The following LMNTD1 variants were observed in gnomAD, a reference collection of about 807,000 sequenced individuals.
The protein encoded by LMNTD1 is lamin tail domain-containing protein 1.
In LMNTD1, 35 loss-of-function variants were observed where a neutral mutation model predicts 50.9. That is an observed-to-expected ratio of 0.69 (90% CI 0.53 to 0.91). The LOEUF is 0.91. Ranked by LOEUF, LMNTD1 falls within the 40% of genes least tolerant of loss-of-function variation. The pLI, the probability that LMNTD1 is intolerant of heterozygous loss-of-function variation, is 0.00. For missense variants in LMNTD1, 470 were observed against 475.5 expected, an observed-to-expected ratio of 0.99 and a Z score of 0.11; for synonymous variants, 153 against 161.9, an observed-to-expected ratio of 0.94 and a Z score of 0.42.
intron 1 of LMNTD1, among the ~76,000 whole-genome samples, chr12:25,611,378 G>A (rs528552130): frequency 3.9e-5 from 6 of 152,312 alleles, no homozygotes; most frequent in Non-Finnish European, 7.3e-5. Flanking sequence ...ATGGTTTTAG[G>A]AGGGGTTGTT....
intron 9 of LMNTD1, among the ~76,000 whole-genome samples, chr12:25,484,003 C>T (rs1938528285): frequency 6.6e-6 from 1 of 151,818 alleles, no homozygotes; most frequent in South Asian, 2.1e-4. Flanking sequence ...AGCGATTAAC[C>T]TCAAACTTGA....
intron 8 of LMNTD1, among the ~76,000 whole-genome samples, chr12:25,511,327 G>A (rs1940275880): frequency 6.6e-6 from 1 of 152,104 alleles, no homozygotes; most frequent in African/African-American, 2.4e-5. Flanking sequence ...ATTATACTTG[G>A]GAGTTGAGGA....
chr12:25,638,113 GA>G (rs1946875439), intron 1 of LMNTD1, among the ~76,000 whole-genome samples: 1 of 151,682 alleles, frequency 6.6e-6, no homozygotes, highest in South Asian at 2.1e-4. Context: ...TAAAAAAACA[GA>G]AAAAAAGCTT....
intron 1 of LMNTD1, among the ~76,000 whole-genome samples, chr12:25,569,853 T>G (rs1944714823): frequency 6.6e-6 from 1 of 152,232 alleles, no homozygotes; most frequent in Non-Finnish European, 1.5e-5. Flanking sequence ...CCATGCTTTC[T>G]GTGCAGCCTG....
intron 1 of LMNTD1, among the ~76,000 whole-genome samples, chr12:25,630,213 A>G (rs535274143): frequency 2.2e-4 from 33 of 152,278 alleles, no homozygotes; most frequent in Admixed American, 2.0e-3. Context: ...TAATCAAACA[A>G]TTACACAACA....
At chr12:25,625,438 AC>A (rs1368274197) in intron 1 of LMNTD1, among the ~76,000 whole-genome samples, 1 of 152,128 alleles carries the variant, frequency 6.6e-6, no homozygotes, top group Non-Finnish European at 1.5e-5. Context: ...TTCACCATTG[AC>A]ACTCCAGCAA....
chr12:25,616,747 T>C (rs1946361144), intron 1 of LMNTD1, among the ~76,000 whole-genome samples: 1 of 152,220 alleles, frequency 6.6e-6, no homozygotes, highest in South Asian at 2.1e-4. Flanking sequence ...AGGCCACGTA[T>C]GTTATGATTT....
At chr12:25,571,339 T>TTTTATTTA (rs55781545) in intron 1 of LMNTD1, among the ~76,000 whole-genome samples, 26,452 of 148,522 alleles carry the variant, frequency 0.18, 2,934 homozygotes, top group East Asian at 0.58. Context: ...AAAAAAGTAT[T>TTTTATTTA]TTTATTTATT....
In LMNTD1 at chr12:25,623,518, C is replaced by T. The variant is rs183130771; in HGVS notation, c.58+24976G>A. 8.3e-5 allele frequency among the ~76,000 whole-genome samples: 10 copies of T among 120,200 alleles called. No homozygotes were observed. The East Asian group carries it at 2.9e-3, about 35-fold the overall frequency. The allele number at this position is 120,200 out of a possible 152,430, so 78.9% of individuals were successfully genotyped here. A position where few individuals can be genotyped will look rare whatever the true frequency, so the allele number is the denominator to read the frequency against. ...GCAGTGAGCCAAGATTGCGCCATTG[C>T]ACTCCAGCCTGGGTGATAGAGCAAG... is the stretch of plus-strand genomic sequence containing the variant. On this transcript the variant is annotated intron_variant, in intron 1 of 7. Coordinates refer to the LMNTD1 transcript ENST00000445693.
At position 25,645,644 on chromosome 12, in the gene LMNTD1, C is replaced by T. The variant is rs373458318; in HGVS notation, c.58+2850G>A. Among the ~76,000 whole-genome samples, 44 of 152,224 alleles carry T rather than the reference C, an allele frequency of 2.9e-4. 1 individual carries two copies. Among genetic ancestry groups the T allele is most frequent in the Middle Eastern group, 3.4e-3 (1 of 294 alleles). ...TGGGCCACAGAACATTAGATCTGAG[C>T]GATACAGCAACATCACAGCACAAGG... On this transcript the variant is annotated intron_variant, in intron 1 of 7. Transcript: ENST00000445693.
intron 6 of LMNTD1, among the ~76,000 whole-genome samples, chr12:25,521,188 C>T (rs1317421737): frequency 6.6e-6 from 1 of 151,712 alleles, no homozygotes; most frequent in African/African-American, 2.4e-5. Context: ...TTAATTGTTT[C>T]CTTTGCTGTG....
intron 9 of LMNTD1, among the ~76,000 whole-genome samples, chr12:25,493,623 T>C (rs1277919378): frequency 1.3e-5 from 2 of 152,236 alleles, no homozygotes; most frequent in African/African-American, 4.8e-5. Context: ...ATATATTTTA[T>C]TGTCAGTGAT....
chr12:25,544,175 G>C (rs1338404189), intron 4 of LMNTD1, among the ~76,000 whole-genome samples: 1 of 151,862 alleles, frequency 6.6e-6, no homozygotes, highest in Non-Finnish European at 1.5e-5. Flanking sequence ...GGATGTTAAA[G>C]TGCCCTACTA....
intron 1 of LMNTD1, among the ~76,000 whole-genome samples, chr12:25,616,176 G>T (rs542734985): frequency 5.3e-5 from 8 of 152,278 alleles, no homozygotes; most frequent in African/African-American, 1.7e-4. Flanking sequence ...GTAAGAGAAA[G>T]AGGGTAACAT....
chr12:25,568,510 G>A (rs1944652110), intron 1 of LMNTD1, among the ~76,000 whole-genome samples: 1 of 152,222 alleles, frequency 6.6e-6, no homozygotes, highest in African/African-American at 2.4e-5. Flanking sequence ...CTGACAGATA[G>A]CCAGGTACTG....
chr12:25,514,507 G>A (rs1012842390), intron 8 of LMNTD1, among the ~76,000 whole-genome samples: 3 of 151,838 alleles, frequency 2.0e-5, no homozygotes, highest in Non-Finnish European at 4.4e-5. Flanking sequence ...CAGAGGCTGG[G>A]AAGGGTAGTG....
intron 9 of LMNTD1, among the ~76,000 whole-genome samples, chr12:25,484,640 G>T (rs1938557221): frequency 1.4e-5 from 2 of 142,058 alleles, no homozygotes; most frequent in African/African-American, 5.3e-5. Context: ...ATCTCCCAAT[G>T]CTATCCCTCC....
chr12:25,557,211 G>A (rs915816675), upstream of LMNTD1: 11 of 152,156 alleles, frequency 7.2e-5, no homozygotes, highest in Admixed American at 5.2e-4. Flanking sequence ...TGTAATAACA[G>A]CCTCAGACAC....
At chr12:25,556,251 G>T (rs973833867), upstream of LMNTD1, among the ~76,000 whole-genome samples, 1 of 152,160 alleles carries the variant, frequency 6.6e-6, no homozygotes, top group Non-Finnish European at 1.5e-5. Context: ...GGGATTACAG[G>T]TGTGAGCCAT....
Sources: allele counts gnomAD v4.1 joint callset (sites outside exome capture counted in the v4.1 genomes callset), GRCh38; gene constraint gnomAD v4.1.1; transcripts MANE v1.5; gene names NCBI Gene and HGNC (gene_info 2026-07-23, HGNC 2026-07-21).